The following ABCC5 variants were observed in gnomAD, a reference collection of about 807,000 sequenced individuals.
ABCC5 encodes the protein ATP binding cassette subfamily C member 5, also known as ATP-binding cassette sub-family C member 5.
In ABCC5, 61 loss-of-function variants were observed where a neutral mutation model predicts 160.9. The observed-to-expected ratio is 0.38, with a 90% CI of 0.31 to 0.47. The LOEUF (loss-of-function observed/expected upper bound fraction) is 0.47, where lower values mean the gene tolerates loss of function less well. ABCC5 is among the 20% of genes least tolerant of loss of function. ABCC5 has a pLI of 0.99. For synonymous variants in ABCC5, 666 were observed against 700.6 expected (o/e 0.95, Z 0.78); for missense variants, 1,308 against 1,813.3 (o/e 0.72, Z 5.06).
In ABCC5 at chr3:183,925,670, AAGTC is replaced by A; in HGVS notation, c.4093_4096del (p.Asp1365TyrfsTer2). On this transcript the variant is annotated frameshift_variant, in exon 29 of 30. Coordinates refer to ENST00000334444, the MANE Select transcript of ABCC5 (RefSeq NM_005688.4). LOFTEE classifies it high-confidence loss of function. ...TTCTCGGATGGTCTCTTGAATCAAT[AAGTC>A]TGTCTCTGTGTCCATGGCAGCTGTG... 6.2e-7 allele frequency: 1 copy of A among 1,614,098 alleles called. No individual in the cohort carries two copies. The highest frequency in any genetic ancestry group is 8.5e-7 in the Non-Finnish European group (1 of 1,180,010).
At chr3:183,985,764 G>C (rs1280620247) in intron 5 of ABCC5, 2 of 295,758 alleles carry the variant, frequency 6.8e-6, no homozygotes, top group Non-Finnish European at 1.3e-5. Context: ...TATGACCCCC[G>C]GGCACCCTGC....
At position 183,937,022 on chromosome 3, in the gene ABCC5, G is replaced by A. The variant is rs368366759; in HGVS notation, c.3854+879C>T. Among the ~76,000 whole-genome samples, 20 of 152,320 alleles carry A rather than the reference G, an allele frequency of 1.3e-4. No individual in the cohort carries two copies. The East Asian group carries it at 1.7e-3, about 13-fold the overall frequency. On this transcript the variant is annotated intron_variant, in intron 26 of 29. Coordinates refer to ENST00000334444, the MANE Select transcript of ABCC5 (RefSeq NM_005688.4). Reference sequence around the variant, plus strand: ...CATAATTCCAGAGTATCAAAGGTAGGGGAAGATAGTAGAAAATGAAATAAC... The same window carrying A: ...CATAATTCCAGAGTATCAAAGGTAGAGGAAGATAGTAGAAAATGAAATAAC...
chr3:183,927,321 C>G lies in ABCC5; in HGVS notation c.4047+9G>C, dbSNP rs771584654. The G allele has an allele frequency of 5.0e-6, 8 of 1,612,462 alleles. No homozygotes were observed. In the East Asian group the frequency reaches 1.8e-4, roughly 36 times the overall value. On this transcript the variant is annotated intron_variant, in intron 28 of 29. Coordinates refer to ENST00000334444, the MANE Select transcript of ABCC5 (RefSeq NM_005688.4). ...ATTCTCTGCTGCTGCCAACCCCAAACTGCCTTACCTTACAGTGGCGGAGCA... is the reference window on the plus strand; with the variant it reads ...ATTCTCTGCTGCTGCCAACCCCAAAGTGCCTTACCTTACAGTGGCGGAGCA...
At chr3:183,961,009 G>A (rs1411663695) in intron 16 of ABCC5, among the ~76,000 whole-genome samples, 1 of 152,012 alleles carries the variant, frequency 6.6e-6, no homozygotes, top group Non-Finnish European at 1.5e-5. Context: ...AGCTGGTGTC[G>A]AATTCCTGGG....
At position 183,949,730 on chromosome 3, in the gene ABCC5, C is replaced by CT. The variant is rs1424600089; in HGVS notation, c.3227+22dup. On this transcript the variant is annotated intron_variant, in intron 22 of 29. Coordinates refer to ENST00000334444, the MANE Select transcript of ABCC5 (RefSeq NM_005688.4). The surrounding 1 kb of genome is among the most constrained non-coding windows in gnomAD (Gnocchi z 4.2). ...TGGGATGCTGACTCCCCTTTGAGGC[C>CT]TCTAGCCCCCATCAGGACAAACCTG... is the stretch of plus-strand genomic sequence containing the variant. 3 of 1,613,182 alleles carry CT rather than the reference C, an allele frequency of 1.9e-6. No individual in the cohort carries two copies. Among genetic ancestry groups the CT allele is most frequent in the Non-Finnish European group, 2.5e-6 (3 of 1,179,774 alleles).
At chr3:184,002,563 C>T (rs187991730) in intron 2 of ABCC5, among the ~76,000 whole-genome samples, 5 of 152,212 alleles carry the variant, frequency 3.3e-5, no homozygotes, top group Admixed American at 2.0e-4. Flanking sequence ...TTGCAAAAGA[C>T]GCTTCTGCGG....
At chr3:183,937,696 C>T (rs547828514) in intron 26 of ABCC5, among the ~76,000 whole-genome samples, 1 of 152,318 alleles carries the variant, frequency 6.6e-6, no homozygotes, top group African/African-American at 2.4e-5. Flanking sequence ...TGCAGGCCTC[C>T]CTGCACCCTT....
intron 2 of ABCC5, among the ~76,000 whole-genome samples, chr3:183,992,546 G>A (rs1167897903): frequency 6.6e-6 from 1 of 152,166 alleles, no homozygotes; most frequent in Non-Finnish European, 1.5e-5. Flanking sequence ...AGCACTTTGG[G>A]AGGCCAAGGT....
Position 183,982,404 on chromosome 3 carries a change from A to G in ABCC5, c.999+47T>C, listed in dbSNP as rs772904071. On this transcript the variant is annotated intron_variant, in intron 7 of 29. Transcript: ENST00000334444. The surrounding 1 kb of genome is among the most constrained non-coding windows in gnomAD (Gnocchi z 5.2). Reference sequence around the variant, plus strand: ...TACTATAACCCAATGGAAGTAACTCATCTCCTAAGGAGAAGCTGCCAGGAT... The same window carrying G: ...TACTATAACCCAATGGAAGTAACTCGTCTCCTAAGGAGAAGCTGCCAGGAT... The G allele has an allele frequency of 6.3e-7, 1 of 1,585,470 alleles. No homozygotes were observed. The highest frequency in any genetic ancestry group is 1.1e-5 in the South Asian group (1 of 86,970).
chr3:183,953,315 T>A, intron 17 of ABCC5, 45 bp from the exon 18 acceptor site: 1 of 1,545,012 alleles, frequency 6.5e-7, no homozygotes, highest in Non-Finnish European at 8.7e-7. Flanking sequence ...GGAAGAACTA[T>A]TTCCATAAAA....
chr3:184,014,344 A>G lies in ABCC5; in HGVS notation c.49T>C (p.Tyr17His). The part of the protein sequence containing the change: ...GKEYIIPSPG[Y>H]RSVRERTSTS... ...CTGGTTCTCTCCCTCACACTTCTAT[A>G]CCCAGGACTGGGGATGATATACTCT... The change falls in exon 2 of 30, where the codon TAT (tyrosine) becomes CAT (histidine). Residue 17 changes from tyrosine to histidine, a missense_variant. Coordinates refer to ENST00000334444, the MANE Select transcript of ABCC5 (RefSeq NM_005688.4). 6.2e-7 allele frequency: 1 copy of G among 1,613,916 alleles called. No individual in the cohort carries two copies. Among genetic ancestry groups the G allele is most frequent in the Non-Finnish European group, 8.5e-7 (1 of 1,179,850 alleles).
intron 15 of ABCC5, among the ~76,000 whole-genome samples, chr3:183,962,792 G>A (rs949497312): frequency 2.2e-4 from 33 of 152,128 alleles, no homozygotes; most frequent in Non-Finnish European, 4.4e-4. Flanking sequence ...AAAGTGCAGG[G>A]ATTACAGGCG....
intron 17 of ABCC5, among the ~76,000 whole-genome samples, chr3:183,959,476 T>C (rs1182916321): frequency 1.3e-5 from 2 of 152,148 alleles, no homozygotes; most frequent in Non-Finnish European, 2.9e-5. Flanking sequence ...TCAGTTCTAA[T>C]TACCTAAACC....
At chr3:183,970,673 G>C (rs1717657669) in intron 11 of ABCC5, among the ~76,000 whole-genome samples, 1 of 152,154 alleles carries the variant, frequency 6.6e-6, no homozygotes. Flanking sequence ...CTGGGCTCAA[G>C]TGATCTGCCC....
intron 5 of ABCC5, chr3:183,984,572 A>G: frequency 7.5e-7 from 1 of 1,333,844 alleles, no homozygotes; most frequent in Non-Finnish European, 9.6e-7. Flanking sequence ...GGAGATCCCC[A>G]CCAATCAGAT....
intron 2 of ABCC5, 63 bp downstream of exon 2, chr3:184,014,201 T>A: frequency 6.6e-7 from 1 of 1,504,862 alleles, no homozygotes; most frequent in South Asian, 1.2e-5. Context: ...TTACCCATTA[T>A]ACGAAAAAAG....
In ABCC5 at chr3:183,981,783, T is replaced by A; in HGVS notation, c.1091A>T (p.Tyr364Phe). The A allele has an allele frequency of 6.2e-7, 1 of 1,610,254 alleles. No homozygotes were observed. Among genetic ancestry groups the A allele is most frequent in the South Asian group, 1.1e-5 (1 of 89,726 alleles). ...RVQKMNEVLT[Y>F]IKFIKMYAWV... ...GGCATACATTTTGATAAATTTAATG[T>A]AAGTAAGAACTTCATTCATCTTCTG... Residue 364 changes from tyrosine to phenylalanine, a missense_variant, in exon 8 of 30, where the codon TAC (tyrosine) becomes TTC (phenylalanine). Physicochemically the swap from Tyr to Phe is conservative, Grantham distance 22. Coordinates refer to ENST00000334444, the MANE Select transcript of ABCC5 (RefSeq NM_005688.4).
Position 183,987,829 on chromosome 3 carries a change from T to C in ABCC5, c.532A>G (p.Arg178Gly), listed in dbSNP as rs1386611690. Residue 178 changes from arginine to glycine, a missense_variant, in exon 5 of 30, where the codon AGG becomes GGG. Arg to Gly is a moderately radical substitution (Grantham distance 125). Around this residue, in one of 3 missense-constraint regions of ABCC5, gnomAD observed 1,142 missense variants for 1,527.1 expected, o/e 0.75. Coordinates refer to ENST00000334444, the MANE Select transcript of ABCC5 (RefSeq NM_005688.4). The surrounding 1 kb of genome is among the most constrained non-coding windows in gnomAD (Gnocchi z 4.2). The stretch of plus-strand genomic sequence containing the variant: ...AGGCACACGATGGACAGGATGAGCC[T>C]GGTGCGGCAGAAGATCCACACAACC... ...RRVVWIFCRTRLILSIVCLMI... is the reference protein window; with the variant it reads ...RRVVWIFCRTGLILSIVCLMI... 3.1e-6 allele frequency: 5 copies of C among 1,613,822 alleles called. No individual in the cohort carries two copies. Among genetic ancestry groups the C allele is most frequent in the Non-Finnish European group, 4.2e-6 (5 of 1,179,928 alleles).
At position 183,921,204 on chromosome 3, in the gene ABCC5, A is replaced by C; in HGVS notation, c.*96T>G. ...TGCTGTGCGAAAGATAAAATCGAGA[A>C]AGGCAAGGTTTCGGTAGGAGGACGC... On this transcript the variant is annotated 3_prime_UTR_variant, in exon 30 of 30. Transcript: ENST00000334444. The surrounding 1 kb of genome is among the most constrained non-coding windows in gnomAD (Gnocchi z 4.1). 1 of 643,390 alleles carries C rather than the reference A, an allele frequency of 1.6e-6. No individual in the cohort carries two copies. Among genetic ancestry groups the C allele is most frequent in the Non-Finnish European group, 2.8e-6 (1 of 362,012 alleles). 39.9% of individuals were successfully genotyped at this position (643,390 alleles called of 1,614,324 possible).
Sources: allele counts gnomAD v4.1 joint callset (sites outside exome capture counted in the v4.1 genomes callset), GRCh38; gene constraint gnomAD v4.1.1; regional missense constraint gnomAD v4.1.1; non-coding constraint Gnocchi (gnomAD v3.1); transcripts MANE v1.5; gene names NCBI Gene and HGNC (gene_info 2026-07-23, HGNC 2026-07-21).